HOXB1: variants seen among roughly 807,000 people sequenced by gnomAD.
The protein encoded by HOXB1 is homeobox protein Hox-B1.
In HOXB1, 13 loss-of-function variants were observed where a neutral mutation model predicts 26.9. The observed-to-expected ratio is 0.48, with a 90% CI of 0.31 to 0.77. The LOEUF (loss-of-function observed/expected upper bound fraction) is 0.77. Among genes scored for constraint, HOXB1 ranks in the 30% least tolerant of loss-of-function variants. The pLI, the probability that HOXB1 is intolerant of heterozygous loss-of-function variation, is 0.04. For synonymous variants in HOXB1, 168 were observed against 170.8 expected (o/e 0.98, Z 0.13); for missense variants, 366 against 403.6 (o/e 0.91, Z 0.80).
chr17:48,529,888 C>A lies in HOXB1; in HGVS notation c.578-13G>T. 2 of 1,556,306 alleles carry A rather than the reference C, an allele frequency of 1.3e-6. No homozygotes were observed. The highest frequency in any genetic ancestry group is 2.3e-5 in the South Asian group (2 of 85,294). On this transcript the variant is annotated splice_polypyrimidine_tract_variant and intron_variant, in intron 1 of 1. Coordinates refer to ENST00000239174, the MANE Select transcript of HOXB1 (RefSeq NM_002144.4). ...TCTGACACCTTCGCTAGGGGCGGGG[C>A]AGGGAGAAAGGCCAGGTCAATTCTC...
rs145581438 is a variant in HOXB1 at position 48,530,198 on chromosome 17, T to C, written c.577+130A>G. The C allele has an allele frequency of 5.2e-4, 418 of 802,822 alleles. 6 individuals carry two copies. In the East Asian group the frequency reaches 7.7e-3, roughly 15 times the overall value. The allele number at this position is 802,822 out of a possible 1,614,324, so 49.7% of individuals were successfully genotyped here. On this transcript the variant is annotated intron_variant, in intron 1 of 1. Transcript: ENST00000239174. The surrounding 1 kb of genome is among the most constrained non-coding windows in gnomAD (Gnocchi z 6.2). ...GACCTCACCTGACCTGAGACGTAGG[T>C]TGTGCTCTTACCTGTGTCTACCAGA... is the stretch of plus-strand genomic sequence containing the variant.
Position 48,529,535 on chromosome 17 carries a change from G to T in HOXB1, c.*12C>A, listed in dbSNP as rs769620639. Reference sequence around the variant, plus strand: ...CCAGTGCCTGGAAGCCCCATTGGTGGCTAGGTTCAGTTCAGGAGGTGACAG... The same window carrying T: ...CCAGTGCCTGGAAGCCCCATTGGTGTCTAGGTTCAGTTCAGGAGGTGACAG... On this transcript the variant is annotated 3_prime_UTR_variant, in exon 2 of 2. Transcript: ENST00000239174. 1.3e-6 allele frequency: 2 copies of T among 1,511,982 alleles called. No individual in the cohort carries two copies. The highest frequency in any genetic ancestry group is 1.8e-6 in the Non-Finnish European group (2 of 1,129,056). The allele number at this position is 1,511,982 out of a possible 1,614,324, so 93.7% of individuals were successfully genotyped here. A position where few individuals can be genotyped will look rare whatever the true frequency, so the allele number is the denominator to read the frequency against.
rs1366930909 is a variant in HOXB1 at position 48,528,745 on chromosome 17, C to T, written c.*802G>A. ...GATGGGGAAGAGGGTCCTGGGTTTT[C>T]CAGGAGGCAATAAATAGGGGAGGAG... is the stretch of plus-strand genomic sequence containing the variant. On this transcript the variant is annotated 3_prime_UTR_variant, in exon 2 of 2. Coordinates refer to ENST00000239174, the MANE Select transcript of HOXB1 (RefSeq NM_002144.4). 1 of 152,172 alleles carries T rather than the reference C, an allele frequency of 6.6e-6. No individual in the cohort carries two copies. The highest frequency in any genetic ancestry group is 2.4e-5 in the African/African-American group (1 of 41,408). 9.4% of individuals were successfully genotyped at this position (152,172 alleles called of 1,614,324 possible).
rs1191279883 is a variant in HOXB1, at chr17:48,530,600, C to A, written c.305G>T (p.Gly102Val). The part of the protein sequence containing the change: ...SYGPSQYYPL[G>V]QSEGDGGYFH... ...ATAGCCTCCGTCTCCTTCTGATTGACCCAGAGGGTAGTACTGAGAAGGCCC... is the reference window on the plus strand; with the variant it reads ...ATAGCCTCCGTCTCCTTCTGATTGAACCAGAGGGTAGTACTGAGAAGGCCC... Residue 102 changes from glycine to valine, a missense_variant, in exon 1 of 2, where the codon GGT (glycine) becomes GTT (valine). Physicochemically the swap from Gly to Val is moderately radical, Grantham distance 109. Coordinates refer to ENST00000239174, the MANE Select transcript of HOXB1 (RefSeq NM_002144.4). This position sits in a 1 kb window ranked among gnomAD's most constrained non-coding sequence, Gnocchi z 6.2. 1 of 1,614,044 alleles carries A rather than the reference C, an allele frequency of 6.2e-7. No homozygotes were observed. Among genetic ancestry groups the A allele is most frequent in the East Asian group, 2.2e-5 (1 of 44,872 alleles).
Position 48,529,242 on chromosome 17 carries a change from C to T in HOXB1, c.*305G>A, listed in dbSNP as rs1464901255. On this transcript the variant is annotated 3_prime_UTR_variant, in exon 2 of 2. Coordinates refer to ENST00000239174, the MANE Select transcript of HOXB1 (RefSeq NM_002144.4). The stretch of plus-strand genomic sequence containing the variant: ...ATGAATCCAGGAGGATGAGGCTGGC[C>T]CCCACCCCCACCACATGTTGACACT... 1 of 278,394 alleles carries T rather than the reference C, an allele frequency of 3.6e-6. No individual in the cohort carries two copies. Among genetic ancestry groups the T allele is most frequent in the Non-Finnish European group, 6.7e-6 (1 of 148,966 alleles). The allele number at this position is 278,394 out of a possible 1,614,324, so 17.2% of individuals were successfully genotyped here.
At chr17:48,529,973 A>C in intron 1 of HOXB1, 98 bp from the exon 2 acceptor site, 1 of 1,076,954 alleles carries the variant, frequency 9.3e-7, no homozygotes, top group East Asian at 2.4e-5. Context: ...TCCATTTGCC[A>C]TTCTGCCCAA....
chr17:48,530,753 C>A lies in HOXB1; in HGVS notation c.152G>T (p.Gly51Val). ...CTGCTGAAACGCAGGGCTGGACAGC[C>A]CCCCACCGTAGCGGCCCTCGCTTGC... ...SYASEGRYGG[G>V]LSSPAFQQNS... Residue 51 changes from glycine (G) to valine (V), a missense_variant, in exon 1 of 2, where the codon GGG (glycine) becomes GTG (valine). Physicochemically the swap from Gly to Val is moderately radical, Grantham distance 109 (BLOSUM62 -3). Transcript: ENST00000239174. This position sits in a 1 kb window ranked among gnomAD's most constrained non-coding sequence, Gnocchi z 6.2. 1.2e-6 allele frequency: 2 copies of A among 1,611,006 alleles called. No individual in the cohort carries two copies. Among genetic ancestry groups the A allele is most frequent in the Non-Finnish European group, 1.7e-6 (2 of 1,178,482 alleles).
Position 48,530,500 on chromosome 17 carries a change from C to T in HOXB1, c.405G>A (p.Gly135=), listed in dbSNP as rs1441278744. 1 of 1,613,898 alleles carries T rather than the reference C, an allele frequency of 6.2e-7. No individual in the cohort carries two copies. Among genetic ancestry groups the T allele is most frequent in the African/African-American group, 1.3e-5 (1 of 74,890 alleles). The change falls in exon 1 of 2, where the codon GGG becomes GGA. Residue 135 remains glycine, a synonymous_variant. Coordinates refer to ENST00000239174, the MANE Select transcript of HOXB1 (RefSeq NM_002144.4). The surrounding 1 kb of genome is among the most constrained non-coding windows in gnomAD (Gnocchi z 6.2). ...DGYGAGGAGP[G]PYPPQHPPYG... ...AAGGGGGATGCTGCGGAGGATATGG[C>T]CCCGGACCGGCTCCACCTGCTCCGT... is the stretch of plus-strand genomic sequence containing the variant.
In HOXB1 at chr17:48,530,297, C is replaced by G; in HGVS notation, c.577+31G>C. 4 of 1,580,390 alleles carry G rather than the reference C, an allele frequency of 2.5e-6. No homozygotes were observed. The highest frequency in any genetic ancestry group is 3.5e-6 in the Non-Finnish European group (4 of 1,154,688). ...GGGGAAGCAGAGATGCTTTGGGCCC[C>G]GGAGAAGGGGTGGCCACATCTGAGC... On this transcript the variant is annotated intron_variant, in intron 1 of 1. Transcript: ENST00000239174. This position sits in a 1 kb window ranked among gnomAD's most constrained non-coding sequence, Gnocchi z 6.2.
chr17:48,530,477 G>T lies in HOXB1; in HGVS notation c.428C>A (p.Pro143His). ...GPGPYPPQHP[P>H]YGNEQTASFA... ...GCTCGCGGTCTGCTCGTTCCCATAA[G>T]GGGGATGCTGCGGAGGATATGGCCC... The change falls in exon 1 of 2, where the codon CCT (proline) becomes CAT (histidine). Residue 143 changes from proline (P) to histidine (H), a missense_variant. Physicochemically the swap from Pro to His is moderately conservative, Grantham distance 77. Transcript: ENST00000239174. The surrounding 1 kb of genome is among the most constrained non-coding windows in gnomAD (Gnocchi z 6.2). 6.2e-7 allele frequency: 1 copy of T among 1,614,102 alleles called. No individual in the cohort carries two copies. Among genetic ancestry groups the T allele is most frequent in the Non-Finnish European group, 8.5e-7 (1 of 1,179,972 alleles).
rs959403706 is a variant in HOXB1, at chr17:48,529,416, A to C, written c.*131T>G. 7.9e-6 allele frequency: 5 copies of C among 631,018 alleles called. No homozygotes were observed. Among genetic ancestry groups the C allele is most frequent in the African/African-American group, 7.4e-5 (4 of 53,812 alleles). The allele number at this position is 631,018 out of a possible 1,614,324, so 39.1% of individuals were successfully genotyped here. On this transcript the variant is annotated 3_prime_UTR_variant, in exon 2 of 2. Coordinates refer to ENST00000239174, the MANE Select transcript of HOXB1 (RefSeq NM_002144.4). ...CCCCCTCCCACCCCCAGGCAGCTCT[A>C]AACTGGCATTTCAGCCCTAGAGAGG...
chr17:48,529,437 A>C lies in HOXB1; in HGVS notation c.*110T>G. The C allele has an allele frequency of 1.3e-6, 1 of 748,636 alleles. No individual in the cohort carries two copies. Among genetic ancestry groups the C allele is most frequent in the Non-Finnish European group, 2.0e-6 (1 of 490,604 alleles). 46.4% of individuals were successfully genotyped at this position (748,636 alleles called of 1,614,324 possible). A position where few individuals can be genotyped will look rare whatever the true frequency, so the allele number is the denominator to read the frequency against. On this transcript the variant is annotated 3_prime_UTR_variant, in exon 2 of 2. Transcript: ENST00000239174. Reference sequence around the variant, plus strand: ...CTCTAAACTGGCATTTCAGCCCTAGAGAGGATCCCCAGGCCAGTGAAGCCC... The same window carrying C: ...CTCTAAACTGGCATTTCAGCCCTAGCGAGGATCCCCAGGCCAGTGAAGCCC...
rs182874613 is a variant in HOXB1, at chr17:48,530,927, G to A, written c.-23C>T. 3.9e-4 allele frequency: 571 copies of A among 1,475,776 alleles called. 2 individuals are homozygous for A. The East Asian group carries it at 9.8e-3, about 25-fold the overall frequency. The allele number at this position is 1,475,776 out of a possible 1,614,324, so 91.4% of individuals were successfully genotyped here. ...CATGCGTCAAGGCCGCAGGAGGGTC[G>A]GCCCGTTTGGGGGAGACACCCTCTT... is the stretch of plus-strand genomic sequence containing the variant. On this transcript the variant is annotated 5_prime_UTR_variant, in exon 1 of 2. Transcript: ENST00000239174. The surrounding 1 kb of genome is among the most constrained non-coding windows in gnomAD (Gnocchi z 6.2).
Position 48,529,579 on chromosome 17 carries a change from G to A in HOXB1, c.874C>T (p.Pro292Ser), listed in dbSNP as rs1171274369. 9 of 1,541,184 alleles carry A rather than the reference G, an allele frequency of 5.8e-6. No homozygotes were observed. The highest frequency in any genetic ancestry group is 7.9e-6 in the Non-Finnish European group (9 of 1,142,176). Reference sequence around the variant, plus strand: ...GTGACAGAGCTGGGTGAGGCTTCCGGGGAGGTGCATGTCGACTGGTCTGAG... The same window carrying A: ...GTGACAGAGCTGGGTGAGGCTTCCGAGGAGGTGCATGTCGACTGGTCTGAG... ...DASDQSTCTS[P>S]EASPSSVTS The change falls in exon 2 of 2, where the codon CCG becomes TCG. Residue 292 changes from proline to serine, a missense_variant. Pro to Ser is a moderately conservative substitution (Grantham distance 74). Coordinates refer to ENST00000239174, the MANE Select transcript of HOXB1 (RefSeq NM_002144.4).
chr17:48,529,359 C>T lies in HOXB1; in HGVS notation c.*188G>A. ...GCCTCTGGTCCTGTAGGGCCCCCAG[C>T]CACCCAGGTCTGAGAAAAATGTTTC... On this transcript the variant is annotated 3_prime_UTR_variant, in exon 2 of 2. Coordinates refer to ENST00000239174, the MANE Select transcript of HOXB1 (RefSeq NM_002144.4). 1 of 445,928 alleles carries T rather than the reference C, an allele frequency of 2.2e-6. No individual in the cohort carries two copies. 27.6% of individuals were successfully genotyped at this position (445,928 alleles called of 1,614,324 possible).
At position 48,530,809 on chromosome 17, in the gene HOXB1, G is replaced by A. The variant is rs2068433362; in HGVS notation, c.96C>T (p.Pro32=). The A allele has an allele frequency of 6.2e-7, 1 of 1,601,814 alleles. No homozygotes were observed. Among genetic ancestry groups the A allele is most frequent in the Non-Finnish European group, 8.5e-7 (1 of 1,174,546 alleles). ...YSAHSAPTSF[P]PSSAQAVDSY... ...TGTCAACCGCCTGAGCCGAGCTTGGGGGAAAGGAGGTTGGGGCGCTGTGGG... is the reference window on the plus strand; with the variant it reads ...TGTCAACCGCCTGAGCCGAGCTTGGAGGAAAGGAGGTTGGGGCGCTGTGGG... The change falls in exon 1 of 2, where the codon CCC becomes CCT. Residue 32 remains proline, a synonymous_variant. Transcript: ENST00000239174. The surrounding 1 kb of genome is among the most constrained non-coding windows in gnomAD (Gnocchi z 6.2).
In HOXB1 at chr17:48,530,840, T is replaced by C; in HGVS notation, c.65A>G (p.Tyr22Cys). ...YPLCNRGPSA[Y>C]SAHSAPTSFP... is the part of the protein sequence containing the mutation. ...GGAGGTTGGGGCGCTGTGGGCGCTG[T>C]AGGCGCTGGGTCCCCGGTTACAGAG... Residue 22 changes from tyrosine to cysteine, a missense_variant, in exon 1 of 2, where the codon TAC becomes TGC. Coordinates refer to ENST00000239174, the MANE Select transcript of HOXB1 (RefSeq NM_002144.4). This position sits in a 1 kb window ranked among gnomAD's most constrained non-coding sequence, Gnocchi z 6.2. The C allele has an allele frequency of 6.4e-7, 1 of 1,572,002 alleles. No homozygotes were observed. Among genetic ancestry groups the C allele is most frequent in the Non-Finnish European group, 8.6e-7 (1 of 1,162,466 alleles).
At position 48,529,461 on chromosome 17, in the gene HOXB1, C is replaced by CCAGG; in HGVS notation, c.*82_*85dup. ...GAGAGGATCCCCAGGCCAGTGAAGC[C>CCAGG]CAGGCCTGGGGTTGGGGAGAGCCTG... On this transcript the variant is annotated 3_prime_UTR_variant, in exon 2 of 2. Transcript: ENST00000239174. 9.3e-7 allele frequency: 1 copy of CCAGG among 1,079,440 alleles called. No homozygotes were observed. 66.9% of individuals were successfully genotyped at this position (1,079,440 alleles called of 1,614,324 possible). A position where few individuals can be genotyped will look rare whatever the true frequency, so the allele number is the denominator to read the frequency against.
chr17:48,529,978 G>T, intron 1 of HOXB1, 103 bp from the exon 2 acceptor site: 3 of 1,035,646 alleles, frequency 2.9e-6, no homozygotes, highest in Non-Finnish European at 4.2e-6. Flanking sequence ...TTGCCATTCT[G>T]CCCAAGTACA....
Sources: allele counts gnomAD v4.1 joint callset, GRCh38; gene constraint gnomAD v4.1.1; non-coding constraint Gnocchi (gnomAD v3.1); transcripts MANE v1.5; gene names NCBI Gene and HGNC (gene_info 2026-07-23, HGNC 2026-07-21).